MYOF: variants seen among roughly 807,000 people sequenced by gnomAD.
The protein encoded by MYOF is fer-1-like 3, myoferlin.
Under a neutral mutation model 284.2 loss-of-function variants are expected in MYOF, and 244 were observed. That is an observed-to-expected ratio of 0.86 (90% CI 0.77 to 0.95). The LOEUF (loss-of-function observed/expected upper bound fraction) is 0.95. MYOF is among the 40% of genes least tolerant of loss of function. The pLI, the probability that MYOF is intolerant of heterozygous loss-of-function variation, is 0.00. For synonymous variants in MYOF, 904 were observed against 919.7 expected (o/e 0.98, Z 0.31); for missense variants, 2,496 against 2,560.6 (o/e 0.97, Z 0.54).
rs1316246525 is a variant in MYOF at position 93,377,323 on chromosome 10, C to T, written c.2108G>A (p.Arg703Lys). 2.5e-6 allele frequency: 4 copies of T among 1,611,540 alleles called. No homozygotes were observed. Among genetic ancestry groups the T allele is most frequent in the Non-Finnish European group, 3.4e-6 (4 of 1,177,838 alleles). The change falls in exon 22 of 54, where the codon AGA becomes AAA. Residue 703 changes from arginine (R) to lysine (K), a missense_variant and splice_region_variant. Around this residue, in one of 3 missense-constraint regions of MYOF, gnomAD observed 2,436 missense variants for 2,480.7 expected, o/e 0.98. Transcript: ENST00000359263. ...KLIDEVIEDT[R>K]YTLPLTEGKA... ...TGAGATAGGCGTAAGATCACTGTAC[C>T]TCGTGTCTTCTATAACTTCATCTAT...
At chr10:93,400,463 G>T (rs1847226509) in intron 12 of MYOF, among the ~76,000 whole-genome samples, 1 of 151,814 alleles carries the variant, frequency 6.6e-6, no homozygotes. Flanking sequence ...ACTGCCTCCA[G>T]CCCATTTGAC....
intron 7 of MYOF, among the ~76,000 whole-genome samples, chr10:93,404,734 G>A (rs1482775824): frequency 5.9e-5 from 9 of 151,972 alleles, no homozygotes; most frequent in African/African-American, 2.2e-4. Context: ...GCATGACCTG[G>A]AGTGTGTTTT....
At chr10:93,399,066 T>C (rs2134077427) in intron 13 of MYOF, among the ~76,000 whole-genome samples, 1 of 151,720 alleles carries the variant, frequency 6.6e-6, no homozygotes, top group Middle Eastern at 3.4e-3. Context: ...TTACCAGGGA[T>C]GGGTGTGGCT....
intron 5 of MYOF, among the ~76,000 whole-genome samples, chr10:93,413,085 A>G (rs1405463016): frequency 6.6e-6 from 1 of 152,178 alleles, no homozygotes; most frequent in African/African-American, 2.4e-5. Context: ...TAATTACAGC[A>G]TTTTAGGCTG....
At chr10:93,443,472 C>CTCTGTGTG (rs1201572994) in intron 3 of MYOF, among the ~76,000 whole-genome samples, 30 of 137,230 alleles carry the variant, frequency 2.2e-4, no homozygotes, top group East Asian at 1.1e-3. Flanking sequence ...CTCTCTCTCT[C>CTCTGTGTG]TGTGTGTGTG....
chr10:93,461,050 G>A (rs879376593), intron 1 of MYOF, among the ~76,000 whole-genome samples: 77 of 150,662 alleles, frequency 5.1e-4, no homozygotes, highest in African/African-American at 1.7e-3. Flanking sequence ...AGCCTAGATC[G>A]CGCCATTGCA....
At chr10:93,453,782 G>C (rs1035940335) in intron 2 of MYOF, among the ~76,000 whole-genome samples, 3 of 152,182 alleles carry the variant, frequency 2.0e-5, no homozygotes, top group African/African-American at 7.2e-5. Flanking sequence ...CTGCTTGGGA[G>C]GCTGAGTGGG....
At chr10:93,467,632 C>G (rs2057042051) in intron 1 of MYOF, among the ~76,000 whole-genome samples, 1 of 151,882 alleles carries the variant, frequency 6.6e-6, no homozygotes, top group Non-Finnish European at 1.5e-5. Context: ...GGGTATATAC[C>G]CAAAGGATTA....
intron 3 of MYOF, among the ~76,000 whole-genome samples, chr10:93,437,782 A>G (rs1052322806): frequency 6.6e-6 from 1 of 151,940 alleles, no homozygotes; most frequent in Admixed American, 6.6e-5. Context: ...CCAAGGCTGG[A>G]CCCCATCTCC....
chr10:93,463,785 T>C (rs2056939811), intron 1 of MYOF, among the ~76,000 whole-genome samples: 2 of 149,260 alleles, frequency 1.3e-5, no homozygotes. Flanking sequence ...GGTGGGAGGA[T>C]TGCTTGAGCT....
At chr10:93,384,554 G>T (rs1245519198) in intron 19 of MYOF, among the ~76,000 whole-genome samples, 1 of 151,648 alleles carries the variant, frequency 6.6e-6, no homozygotes, top group African/African-American at 2.4e-5. Context: ...TGAGGCAAGA[G>T]AATCACTTGA....
At chr10:93,361,673 C>G (rs1290573745) in intron 27 of MYOF, 116 bp from the exon 28 acceptor site, 10 of 789,326 alleles carry the variant, frequency 1.3e-5, no homozygotes, top group Non-Finnish European at 1.8e-5. Flanking sequence ...ACTTAGATAC[C>G]ATCTTAGAGA....
In MYOF at chr10:93,425,981, A is replaced by G. The variant is rs746911435; in HGVS notation, c.433+90T>C. On this transcript the variant is annotated intron_variant, in intron 5 of 53. Coordinates refer to ENST00000359263, the MANE Select transcript of MYOF (RefSeq NM_013451.4). ...GTGGGCAGGGAGCTACAGGCTTGTGATCAATGGCAGGGTTTCTCCAGACAC... is the reference window on the plus strand; with the variant it reads ...GTGGGCAGGGAGCTACAGGCTTGTGGTCAATGGCAGGGTTTCTCCAGACAC... 5 of 1,345,834 alleles carry G rather than the reference A, an allele frequency of 3.7e-6. No individual in the cohort carries two copies. In the South Asian group the frequency reaches 3.8e-5, roughly 10 times the overall value. The allele number at this position is 1,345,834 out of a possible 1,614,324, so 83.4% of individuals were successfully genotyped here. A position where few individuals can be genotyped will look rare whatever the true frequency, so the allele number is the denominator to read the frequency against.
chr10:93,476,956 A>T (rs764208510), intron 1 of MYOF, among the ~76,000 whole-genome samples: 1 of 152,230 alleles, frequency 6.6e-6, no homozygotes, highest in South Asian at 2.1e-4. Flanking sequence ...ATTCTGGCTG[A>T]TGGAATGGGG....
chr10:93,346,864 G>C (rs1421326053), intron 37 of MYOF, among the ~76,000 whole-genome samples: 1 of 152,182 alleles, frequency 6.6e-6, no homozygotes, highest in African/African-American at 2.4e-5. Context: ...AGAACAGCAC[G>C]TGGCAGTCAG....
rs367739713 is a variant in MYOF, at chr10:93,401,438, C to T, written c.1097G>A (p.Arg366Gln). 113 of 1,614,116 alleles carry T rather than the reference C, an allele frequency of 7.0e-5. No homozygotes were observed. Among genetic ancestry groups the T allele is most frequent in the East Asian group, 4.7e-4 (21 of 44,882 alleles). The change falls in exon 12 of 54, where the codon CGA becomes CAA. Residue 366 changes from arginine (R) to glutamine (Q), a missense_variant. This residue lies in a region of MYOF where 2,436 missense variants were observed against 2,480.7 expected (regional missense o/e 0.98). Coordinates refer to ENST00000359263, the MANE Select transcript of MYOF (RefSeq NM_013451.4). ...RWVTFLLKIY[R>Q]AEDIPQMDDA... is the part of the protein sequence containing the mutation. ...CATACTCTGGGGGATGTCCTCAGCTCGGTAGATTTTCAGCAAGAAGGTCAC... is the reference window on the plus strand; with the variant it reads ...CATACTCTGGGGGATGTCCTCAGCTTGGTAGATTTTCAGCAAGAAGGTCAC...
chr10:93,408,065 C>T (rs1050888796), intron 7 of MYOF, among the ~76,000 whole-genome samples: 3 of 151,996 alleles, frequency 2.0e-5, no homozygotes, highest in Non-Finnish European at 2.9e-5. Flanking sequence ...TTTTTAAAGG[C>T]ATCTCACTAT....
intron 1 of MYOF, among the ~76,000 whole-genome samples, chr10:93,469,090 G>A (rs889378616): frequency 2.0e-5 from 3 of 152,116 alleles, no homozygotes; most frequent in Non-Finnish European, 4.4e-5. Flanking sequence ...TTGTGTTGTT[G>A]TGGAGAACAG....
rs12217508 is a variant in MYOF at position 93,364,781 on chromosome 10, T to G, written c.2754-706A>C. On this transcript the variant is annotated intron_variant, in intron 26 of 53. Coordinates refer to ENST00000359263, the MANE Select transcript of MYOF (RefSeq NM_013451.4). The stretch of plus-strand genomic sequence containing the variant: ...TGCCAGGTACCTACTCAAATGAGGG[T>G]TTTTTTTCCCTTTATTGTTTCTGCA... 5.9e-4 allele frequency among the ~76,000 whole-genome samples: 89 copies of G among 151,766 alleles called. 1 individual carries two copies. The East Asian group carries it at 0.013, about 22-fold the overall frequency.
Sources: allele counts gnomAD v4.1 joint callset (sites outside exome capture counted in the v4.1 genomes callset), GRCh38; gene constraint gnomAD v4.1.1; regional missense constraint gnomAD v4.1.1; transcripts MANE v1.5; gene names NCBI Gene and HGNC (gene_info 2026-07-23, HGNC 2026-07-21).